The following SENP2 variants were observed in gnomAD, a reference collection of about 807,000 sequenced individuals.
SENP2 encodes sentrin-specific protease 2.
In SENP2, 16 loss-of-function variants were observed where a neutral mutation model predicts 86.3. That is an observed-to-expected ratio of 0.19 (90% CI 0.13 to 0.28). The LOEUF (loss-of-function observed/expected upper bound fraction) is 0.28, where lower values mean the gene tolerates loss of function less well. SENP2 is among the 10% of genes least tolerant of loss of function. The pLI, the probability that SENP2 is intolerant of heterozygous loss-of-function variation, is 1.00. For synonymous variants in SENP2, 222 were observed against 238.7 expected (o/e 0.93, Z 0.64); for missense variants, 552 against 703.0 (o/e 0.79, Z 2.43).
At chr3:185,619,659 T>TC in intron 13 of SENP2, 157 bp downstream of exon 13, 1 of 438,794 alleles carries the variant, frequency 2.3e-6, no homozygotes, top group Non-Finnish European at 4.0e-6. Context: ...TAATGTCCCA[T>TC]CCTTCACCCA....
chr3:185,627,453 C>T (rs548141547), intron 16 of SENP2, among the ~76,000 whole-genome samples: 2 of 152,224 alleles, frequency 1.3e-5, no homozygotes, highest in South Asian at 4.1e-4. Flanking sequence ...CGCTTTGTTG[C>T]CCAGGCTGGA....
In SENP2 at chr3:185,630,414, T is replaced by C. The variant is rs1000359500; in HGVS notation, c.*570T>C. The C allele has an allele frequency of 1.3e-5, 2 of 152,994 alleles. No individual in the cohort carries two copies. The highest frequency in any genetic ancestry group is 4.8e-5 in the African/African-American group (2 of 41,430). The allele number at this position is 152,994 out of a possible 1,614,324, so 9.5% of individuals were successfully genotyped here. A position where few individuals can be genotyped will look rare whatever the true frequency, so the allele number is the denominator to read the frequency against. ...CATGAAGCTGGAGGGTTTGGGATTT[T>C]TTTTGTTTTTGTTTTTTTGAGGCTC... On this transcript the variant is annotated 3_prime_UTR_variant, in exon 17 of 17. Coordinates refer to ENST00000296257, the MANE Select transcript of SENP2 (RefSeq NM_021627.3).
chr3:185,589,477 A>G (rs1721907779), intron 1 of SENP2, among the ~76,000 whole-genome samples: 1 of 152,200 alleles, frequency 6.6e-6, no homozygotes, highest in Admixed American at 6.6e-5. Context: ...ATACTGTCCT[A>G]AACTCTTACC....
At chr3:185,598,044 A>T (rs9866548) in intron 2 of SENP2, among the ~76,000 whole-genome samples, 9,034 of 151,144 alleles carry the variant, frequency 0.06, 394 homozygotes, top group South Asian at 0.084. Context: ...ACAGAGTCTC[A>T]CTCTGTTGCC....
rs1722320894 is a variant in SENP2 at position 185,600,844 on chromosome 3, G to A, written c.438G>A (p.Leu146=). ...CCCGAGATCAGCCACGCAGAGTCCT[G>A]CCTTCCTTTGGGTAAGTGTTAAATT... ...TVTRDQPRRV[L]PSFGFTLNSE... Residue 146 remains leucine (L), a synonymous_variant, in exon 5 of 17, where the codon CTG becomes CTA. Coordinates refer to ENST00000296257, the MANE Select transcript of SENP2 (RefSeq NM_021627.3). 6.2e-7 allele frequency: 1 copy of A among 1,608,036 alleles called. No individual in the cohort carries two copies. The highest frequency in any genetic ancestry group is 8.5e-7 in the Non-Finnish European group (1 of 1,174,588).
intron 2 of SENP2, among the ~76,000 whole-genome samples, chr3:185,596,780 C>T (rs551902534): frequency 3.3e-5 from 5 of 152,234 alleles, no homozygotes; most frequent in South Asian, 2.1e-4. Flanking sequence ...AGAATTCTGC[C>T]GTACTCGGTG....
chr3:185,613,403 GA>G lies in SENP2; in HGVS notation c.931del (p.Ser311ValfsTer35). ...ETMVGIRFEN[E>X]SRRGYQLEPD... ...GATGGTCGGAATCAGATTTGAAAATGAAAGTGTAAGTAAAAATCCTAGTTAC... is the reference window on the plus strand; with the variant it reads ...GATGGTCGGAATCAGATTTGAAAATGAAGTGTAAGTAAAAATCCTAGTTAC... On this transcript the variant is annotated frameshift_variant, in exon 10 of 17. Transcript: ENST00000296257. 1 of 1,583,964 alleles carries G rather than the reference GA, an allele frequency of 6.3e-7. No individual in the cohort carries two copies. Among genetic ancestry groups the G allele is most frequent in the Non-Finnish European group, 8.7e-7 (1 of 1,154,976 alleles).
At chr3:185,602,118 T>A (rs1044920580) in intron 5 of SENP2, among the ~76,000 whole-genome samples, 1 of 152,190 alleles carries the variant, frequency 6.6e-6, no homozygotes, top group African/African-American at 2.4e-5. Context: ...TAAAATATGT[T>A]TTGAGTGCTC....
chr3:185,631,436 TCCCAC>T lies in SENP2; in HGVS notation c.*1593_*1597del. ...TTGTACCACACCTCTCCCCCCCCCC[TCCCAC>T]TCCCCCTCCCTCCCTCTCCCCTCCC... On this transcript the variant is annotated 3_prime_UTR_variant, in exon 17 of 17. Transcript: ENST00000296257. 1 of 5,106 alleles carries T rather than the reference TCCCAC, an allele frequency of 2.0e-4. No homozygotes were observed. Among genetic ancestry groups the T allele is most frequent in the Non-Finnish European group, 3.5e-4 (1 of 2,880 alleles). 0.3% of individuals were successfully genotyped at this position (5,106 alleles called of 1,614,324 possible). A position where few individuals can be genotyped will look rare whatever the true frequency, so the allele number is the denominator to read the frequency against.
At chr3:185,603,334 G>A (rs973894642) in intron 5 of SENP2, among the ~76,000 whole-genome samples, 1 of 152,166 alleles carries the variant, frequency 6.6e-6, no homozygotes, top group African/African-American at 2.4e-5. Flanking sequence ...GCATTCAAAT[G>A]TATTGCACTG....
intron 5 of SENP2, among the ~76,000 whole-genome samples, chr3:185,604,937 G>A (rs770371295): frequency 2.1e-4 from 31 of 151,142 alleles, no homozygotes; most frequent in Non-Finnish European, 4.1e-4. Context: ...TGTATTTTTG[G>A]TAGAGTTGGG....
intron 2 of SENP2, among the ~76,000 whole-genome samples, chr3:185,592,007 A>ATATATTT (rs1722015953): frequency 2.9e-5 from 1 of 35,082 alleles, no homozygotes; most frequent in South Asian, 8.1e-4. Context: ...AACCGGTAAT[A>ATATATTT]TTTCTTTTTT....
chr3:185,621,578 C>T (rs189911433), intron 13 of SENP2, among the ~76,000 whole-genome samples: 22 of 151,432 alleles, frequency 1.5e-4, no homozygotes, highest in Middle Eastern at 3.4e-3. Context: ...TTAGTAGAGA[C>T]GGGGTTTCGC....
chr3:185,586,910 C>T lies in SENP2; in HGVS notation c.101+396C>T, dbSNP rs1366180356. Among the ~76,000 whole-genome samples the T allele has an allele frequency of 6.6e-6, 1 of 152,154 alleles. No individual in the cohort carries two copies. The highest frequency in any genetic ancestry group is 1.5e-5 in the Non-Finnish European group (1 of 68,024). On this transcript the variant is annotated intron_variant, in intron 1 of 16. Coordinates refer to ENST00000296257, the MANE Select transcript of SENP2 (RefSeq NM_021627.3). The surrounding 1 kb of genome is among the most constrained non-coding windows in gnomAD (Gnocchi z 4.3). ...GTGAGATTCATAGCTTGCCCAAAGCCGTTTTGACTGCAAGTACTGTCCTTG... is the reference window on the plus strand; with the variant it reads ...GTGAGATTCATAGCTTGCCCAAAGCTGTTTTGACTGCAAGTACTGTCCTTG...
chr3:185,609,201 A>T, intron 6 of SENP2, 46 bp from the exon 7 acceptor site: 1 of 1,364,508 alleles, frequency 7.3e-7, no homozygotes. Context: ...TTTTAATTAT[A>T]AATTTAATGT....
chr3:185,628,279 G>A (rs1406317370), intron 16 of SENP2, among the ~76,000 whole-genome samples: 1 of 152,076 alleles, frequency 6.6e-6, no homozygotes, highest in Admixed American at 6.5e-5. Flanking sequence ...TGGGACTACA[G>A]GCATGTACCA....
chr3:185,606,924 A>T (rs1208612009), intron 6 of SENP2: 3 of 332,376 alleles, frequency 9.0e-6, no homozygotes, highest in Non-Finnish European at 1.8e-5. Flanking sequence ...ACTAAAAAGA[A>T]TTTTTAATGA....
chr3:185,603,740 C>A (rs531695067), intron 5 of SENP2, among the ~76,000 whole-genome samples: 1 of 152,320 alleles, frequency 6.6e-6, no homozygotes, highest in East Asian at 1.9e-4. Context: ...AACTTATTTT[C>A]TAAGCATTTA....
chr3:185,624,080 C>A lies in SENP2; in HGVS notation c.1609C>A (p.His537Asn). 1.2e-6 allele frequency: 2 copies of A among 1,603,342 alleles called. No homozygotes were observed. The highest frequency in any genetic ancestry group is 1.1e-5 in the South Asian group (1 of 89,990). Residue 537 changes from histidine (H) to asparagine (N), a missense_variant and splice_region_variant, in exon 15 of 17, where the codon CAC becomes AAC. His to Asn is a moderately conservative substitution (Grantham distance 68). Transcript: ENST00000296257. ...LEWTHHSMKP[H>N]EIPQQLNGSD... ...GTGGACCCATCACAGCATGAAACCA[C>A]ACGTGAGTGACGATCATCTACATGT...
Sources: gnomAD v4.1 joint callset for allele counts (sites outside exome capture counted in the v4.1 genomes callset) on GRCh38, gnomAD v4.1.1 for gene constraint, Gnocchi (gnomAD v3.1) non-coding constraint, MANE v1.5 for transcripts, NCBI Gene and HGNC (gene_info 2026-07-23, HGNC 2026-07-21) for gene names.